Variants in MIA2 observed in about 807,000 individuals in gnomAD.
MIA2 encodes the protein melanoma inhibitory activity protein 2.
MIA2 carries 127 observed loss-of-function variants against 167.8 expected under a neutral mutation model. The ratio of observed to expected loss-of-function variants is 0.76; its 90% CI spans 0.66 to 0.88. MIA2 has a LOEUF of 0.88. MIA2 is among the 40% of genes least tolerant of loss of function. The pLI, the probability that MIA2 is intolerant of heterozygous loss-of-function variation, is 0.00. For missense variants in MIA2, 1,690 were observed against 1,624.7 expected, an observed-to-expected ratio of 1.04 and a Z score of -0.69; for synonymous variants, 552 against 541.9, an observed-to-expected ratio of 1.02 and a Z score of -0.26.
intron 15 of MIA2, among the ~76,000 whole-genome samples, chr14:39,303,114 C>A (rs563884135): frequency 4.4e-4 from 67 of 152,162 alleles, no homozygotes; most frequent in African/African-American, 1.6e-3. Context: ...TGAGAAAACT[C>A]ATGCTTGTTT....
At chr14:39,273,309 T>C (rs1343708296) in intron 6 of MIA2, among the ~76,000 whole-genome samples, 1 of 149,884 alleles carries the variant, frequency 6.7e-6, no homozygotes, top group African/African-American at 2.5e-5. Flanking sequence ...TCTTGTCAGG[T>C]TGAGGAAATT....
intron 26 of MIA2, among the ~76,000 whole-genome samples, chr14:39,346,722 A>G (rs985088434): frequency 1.3e-5 from 2 of 149,464 alleles, no homozygotes; most frequent in African/African-American, 4.9e-5. Flanking sequence ...TGATTTTCTG[A>G]CATAGTAGAC....
At chr14:39,290,989 GT>G (rs2060660667) in intron 9 of MIA2, 29 bp from the exon 10 acceptor site, 2 of 1,575,832 alleles carry the variant, frequency 1.3e-6, no homozygotes, top group East Asian at 2.3e-5. Context: ...AATTGGTAGA[GT>G]TTTTACTTGT....
At chr14:39,317,725 G>T (rs4902500) in intron 21 of MIA2, among the ~76,000 whole-genome samples, 131,428 of 152,118 alleles carry the variant, frequency 0.86, 57,363 homozygotes, top group East Asian at 0.95. Flanking sequence ...GGAAACAGCC[G>T]AAGGTCATGG....
At chr14:39,338,700 A>G (rs1457044910) in intron 25 of MIA2, among the ~76,000 whole-genome samples, 2 of 152,196 alleles carry the variant, frequency 1.3e-5, no homozygotes, top group Non-Finnish European at 2.9e-5. Flanking sequence ...AATGTGACTT[A>G]CCTTGCTCAG....
intron 13 of MIA2, among the ~76,000 whole-genome samples, chr14:39,297,176 C>T (rs1419732064): frequency 1.3e-5 from 2 of 151,890 alleles, no homozygotes; most frequent in African/African-American, 2.4e-5. Flanking sequence ...TCACTATAAC[C>T]TCTGCTGCCC....
intron 15 of MIA2, among the ~76,000 whole-genome samples, chr14:39,303,218 A>G (rs2062811161): frequency 6.6e-6 from 1 of 152,146 alleles, no homozygotes; most frequent in Non-Finnish European, 1.5e-5. Flanking sequence ...ATTTAGATGA[A>G]TATAGAATCC....
chr14:39,299,213 G>C (rs2061995076), intron 13 of MIA2, among the ~76,000 whole-genome samples: 2 of 142,656 alleles, frequency 1.4e-5, no homozygotes, highest in South Asian at 2.2e-4. Flanking sequence ...TTTACTTTTT[G>C]TCATGTTCAG....
intron 6 of MIA2, among the ~76,000 whole-genome samples, chr14:39,260,217 T>C (rs1030321363): frequency 2.6e-5 from 4 of 152,236 alleles, no homozygotes; most frequent in Non-Finnish European, 5.9e-5. Context: ...TTTGGGTATA[T>C]ACCCAGTAAT....
At position 39,314,806 on chromosome 14, in the gene MIA2, ATATATG is replaced by A. The variant is rs774270246; in HGVS notation, c.3180+9_3180+14del. Reference sequence around the variant, plus strand: ...TCATTCTTATCAAGGGCAGGTATATATATATGTGTGTGTGTGTGTGTGTGTGTGTGT... The same window carrying A: ...TCATTCTTATCAAGGGCAGGTATATATGTGTGTGTGTGTGTGTGTGTGTGT... On this transcript the variant is annotated splice_region_variant and intron_variant, in intron 20 of 28. Transcript: ENST00000640607. 2.9e-6 allele frequency: 4 copies of A among 1,384,460 alleles called. No individual in the cohort carries two copies. The highest frequency in any genetic ancestry group is 3.4e-5 in the African/African-American group (2 of 58,982). The allele number at this position is 1,384,460 out of a possible 1,614,324, so 85.8% of individuals were successfully genotyped here. A position where few individuals can be genotyped will look rare whatever the true frequency, so the allele number is the denominator to read the frequency against.
At chr14:39,347,799 G>A in intron 27 of MIA2, 28 bp downstream of exon 27, 1 of 1,260,652 alleles carries the variant, frequency 7.9e-7, no homozygotes, top group Non-Finnish European at 1.1e-6. Flanking sequence ...GGAATTGTAT[G>A]CATGTATTCA....
In MIA2 at chr14:39,239,474, G is replaced by A. The variant is rs534482164; in HGVS notation, c.250-1087G>A. 7.6e-4 allele frequency among the ~76,000 whole-genome samples: 115 copies of A among 152,284 alleles called. No individual in the cohort carries two copies. In the South Asian group the frequency reaches 9.7e-3, roughly 13 times the overall value. On this transcript the variant is annotated intron_variant, in intron 2 of 28. Coordinates refer to ENST00000640607, the MANE Select transcript of MIA2 (RefSeq NM_001329214.4). Reference sequence around the variant, plus strand: ...GGAGGCAGAGGCAGGAGGACAGCTTGAGCCTGGAAGTTAGAGGTTACAGTG... The same window carrying A: ...GGAGGCAGAGGCAGGAGGACAGCTTAAGCCTGGAAGTTAGAGGTTACAGTG...
chr14:39,320,890 A>G (rs2066293471), intron 23 of MIA2, 38 bp from the exon 24 acceptor site: 1 of 1,601,936 alleles, frequency 6.2e-7, no homozygotes, highest in African/African-American at 1.3e-5. Flanking sequence ...TAGCTAAGTG[A>G]AACTATGAAT....
rs1216155474 is a variant in MIA2 at position 39,241,227 on chromosome 14, G to A, written c.336+580G>A. ...ATGTTGGGCTTCAAGGGAATCAGGA[G>A]GTGGCTTTTCAATTAATAAACTTGG... is the stretch of plus-strand genomic sequence containing the variant. On this transcript the variant is annotated intron_variant, in intron 3 of 28. Coordinates refer to ENST00000640607, the MANE Select transcript of MIA2 (RefSeq NM_001329214.4). Among the ~76,000 whole-genome samples the A allele has an allele frequency of 2.0e-5, 3 of 152,124 alleles. No individual in the cohort carries two copies. The East Asian group carries it at 5.8e-4, about 29-fold the overall frequency.
chr14:39,330,257 G>T (rs925630695), intron 25 of MIA2, among the ~76,000 whole-genome samples: 3 of 152,164 alleles, frequency 2.0e-5, no homozygotes, highest in African/African-American at 7.2e-5. Flanking sequence ...TGTTCACATG[G>T]AGTTCTTTAT....
chr14:39,386,980 C>A (rs1407902553), exon 24 of MIA2: 4 of 768,966 alleles, frequency 5.2e-6, no homozygotes, highest in Non-Finnish European at 9.1e-6. Flanking sequence ...ATGAGACTAA[C>A]GAGATCTGTG....
At position 39,327,014 on chromosome 14, in the gene MIA2, C is replaced by T. The variant is rs866345588; in HGVS notation, c.3647C>T (p.Pro1216Leu). The T allele has an allele frequency of 6.6e-7, 1 of 1,521,698 alleles. No individual in the cohort carries two copies. Among genetic ancestry groups the T allele is most frequent in the East Asian group, 2.5e-5 (1 of 40,030 alleles). The allele number at this position is 1,521,698 out of a possible 1,614,324, so 94.3% of individuals were successfully genotyped here. A position where few individuals can be genotyped will look rare whatever the true frequency, so the allele number is the denominator to read the frequency against. The change falls in exon 25 of 29, where the codon CCT becomes CTT. Residue 1216 changes from proline (P) to leucine (L), a missense_variant. Pro to Leu is a moderately conservative substitution (Grantham distance 98). Coordinates refer to ENST00000640607, the MANE Select transcript of MIA2 (RefSeq NM_001329214.4). ...PWDQDRRMMFPPPGQSYPDSA... is the reference protein window; with the variant it reads ...PWDQDRRMMFLPPGQSYPDSA... ...GACCAGGACCGTAGGATGATGTTTC[C>T]TCCGCCAGGTATGTAAAGACAATAG...
At position 39,276,976 on chromosome 14, in the gene MIA2, CT is replaced by C; in HGVS notation, c.1933del (p.Tyr645MetfsTer8). 6.2e-7 allele frequency: 1 copy of C among 1,613,862 alleles called. No individual in the cohort carries two copies. Among genetic ancestry groups the C allele is most frequent in the Non-Finnish European group, 8.5e-7 (1 of 1,179,862 alleles). On this transcript the variant is annotated frameshift_variant, in exon 7 of 29. Coordinates refer to ENST00000640607, the MANE Select transcript of MIA2 (RefSeq NM_001329214.4). LOFTEE classifies it high-confidence loss of function. ...TGAAGGTATGAGACCAGATTCTAAT[CT>C]TTATGGTTTTCCATGGGAATTGGTG... ...LPEGMRPDSNLYGFPWELVIC... is the reference protein window; with the variant it reads ...LPEGMRPDSNXYGFPWELVIC...
chr14:39,250,932 A>G (rs2054542782), intron 4 of MIA2, among the ~76,000 whole-genome samples: 5 of 152,144 alleles, frequency 3.3e-5, no homozygotes, highest in Admixed American at 2.6e-4. Flanking sequence ...ACAATATTAA[A>G]TAAGAATTGA....
Sources: allele counts gnomAD v4.1 joint callset (sites outside exome capture counted in the v4.1 genomes callset), GRCh38; gene constraint gnomAD v4.1.1; transcripts MANE v1.5; gene names NCBI Gene and HGNC (gene_info 2026-07-23, HGNC 2026-07-21).